MXRA7: variants seen among roughly 807,000 people sequenced by gnomAD.
MXRA7 encodes matrix-remodeling-associated protein 7.
A neutral mutation model predicts 17.4 loss-of-function variants in MXRA7; 18 were observed. The observed-to-expected ratio is 1.03, with a 90% CI of 0.71 to 1.53. The LOEUF is 1.53. Ranked by LOEUF, MXRA7 falls within the 40% of genes most tolerant of loss-of-function variation. The pLI, the probability that MXRA7 is intolerant of heterozygous loss-of-function variation, is 0.00. For missense variants in MXRA7, 141 were observed against 209.3 expected, an observed-to-expected ratio of 0.67 and a Z score of 2.01; for synonymous variants, 70 against 101.7, an observed-to-expected ratio of 0.69 and a Z score of 1.87.
At chr17:76,695,625 G>A (rs1179507302) in intron 1 of MXRA7, among the ~76,000 whole-genome samples, 2 of 152,160 alleles carry the variant, frequency 1.3e-5, no homozygotes, top group Admixed American at 1.3e-4. Context: ...GCCTCAGAGT[G>A]GATGAGAAAG....
At chr17:76,684,966 C>A in intron 3 of MXRA7, 106 bp downstream of exon 3, 2 of 906,352 alleles carry the variant, frequency 2.2e-6, no homozygotes, top group South Asian at 1.4e-5. Flanking sequence ...GGAGCCCCAC[C>A]TCCTTTCTGG....
chr17:76,697,758 C>T (rs1041748993), intron 1 of MXRA7, among the ~76,000 whole-genome samples: 1 of 152,196 alleles, frequency 6.6e-6, no homozygotes, highest in African/African-American at 2.4e-5. Context: ...AGCTGAGGGG[C>T]CCGGCCAGGC....
intron 1 of MXRA7, among the ~76,000 whole-genome samples, chr17:76,708,563 G>A (rs75369414): frequency 6.6e-6 from 1 of 152,200 alleles, no homozygotes; most frequent in Non-Finnish European, 1.5e-5. Flanking sequence ...TCTTGGAAAC[G>A]CTGGAGTCCA....
chr17:76,697,211 G>A (rs1043460977), intron 1 of MXRA7, among the ~76,000 whole-genome samples: 2 of 152,096 alleles, frequency 1.3e-5, no homozygotes, highest in East Asian at 1.9e-4. Flanking sequence ...GAGGAAACTC[G>A]GACACACACA....
Position 76,710,878 on chromosome 17 carries a change from G to A in MXRA7, c.69C>T (p.Ala23=), listed in dbSNP as rs2076714949. The A allele has an allele frequency of 3.0e-6, 3 of 994,044 alleles. No homozygotes were observed. Among genetic ancestry groups the A allele is most frequent in the Non-Finnish European group, 3.6e-6 (3 of 837,748 alleles). 61.6% of individuals were successfully genotyped at this position (994,044 alleles called of 1,614,324 possible). ...ALATALALLL[A]WLLVRRGAAA... The stretch of plus-strand genomic sequence containing the variant: ...CCGCCCCACGCCGCACCAGTAGCCA[G>A]GCGAGCAGAAGGGCCAGCGCGGTGG... The change falls in exon 1 of 4, where the codon GCC becomes GCT. Residue 23 remains alanine, a synonymous_variant. Coordinates refer to ENST00000449428, the MANE Select transcript of MXRA7 (RefSeq NM_198530.4).
At position 76,680,662 on chromosome 17, in the gene MXRA7, A is replaced by C; in HGVS notation, c.*205T>G. Reference sequence around the variant, plus strand: ...CACAGGAACAGACATGAACATCTCTACACAGGGCAGGGCCAAAGGTGTTCC... The same window carrying C: ...CACAGGAACAGACATGAACATCTCTCCACAGGGCAGGGCCAAAGGTGTTCC... On this transcript the variant is annotated 3_prime_UTR_variant, in exon 4 of 4. Transcript: ENST00000449428. 7.1e-7 allele frequency: 1 copy of C among 1,417,152 alleles called. No individual in the cohort carries two copies. The highest frequency in any genetic ancestry group is 9.2e-7 in the Non-Finnish European group (1 of 1,083,038). 87.8% of individuals were successfully genotyped at this position (1,417,152 alleles called of 1,614,324 possible). A position where few individuals can be genotyped will look rare whatever the true frequency, so the allele number is the denominator to read the frequency against.
chr17:76,702,475 C>A (rs1479627633), intron 1 of MXRA7, among the ~76,000 whole-genome samples: 2 of 151,802 alleles, frequency 1.3e-5, no homozygotes, highest in Non-Finnish European at 2.9e-5. Context: ...GCCAATGCAC[C>A]CCAGCCTGGT....
intron 1 of MXRA7, 143 bp downstream of exon 1, chr17:76,710,462 T>C: frequency 1.5e-6 from 1 of 658,936 alleles, no homozygotes; most frequent in Non-Finnish European, 2.1e-6. Context: ...GGGACCTGCA[T>C]TTCCTGCGGG....
chr17:76,672,950 G>C (rs570741056), exon 4 of MXRA7: 1 of 152,296 alleles, frequency 6.6e-6, no homozygotes, highest in South Asian at 2.1e-4. Flanking sequence ...TCCTGTTCTG[G>C]AACCCAGCAC....
At chr17:76,689,718 A>C (rs2076456531) in intron 1 of MXRA7, 1 of 152,112 alleles carries the variant, frequency 6.6e-6, no homozygotes, top group Admixed American at 6.6e-5. Context: ...GAAAAGACAG[A>C]ACTGGGGACC....
downstream of MXRA7, chr17:76,676,617 G>GGA (rs2076243199): frequency 6.6e-6 from 1 of 152,170 alleles, no homozygotes; most frequent in Non-Finnish European, 1.5e-5. Context: ...ACAGAAATTA[G>GGA]CTGGGTATGG....
At chr17:76,706,365 G>A (rs1230744424) in intron 1 of MXRA7, among the ~76,000 whole-genome samples, 58 of 94,996 alleles carry the variant, frequency 6.1e-4, no homozygotes, top group East Asian at 4.8e-3. Flanking sequence ...TGCCATCACA[G>A]AGGCCCACGC....
chr17:76,701,309 G>A lies in MXRA7; in HGVS notation c.342+9296C>T, dbSNP rs77487845. Among the ~76,000 whole-genome samples, 400 of 152,126 alleles carry A rather than the reference G, an allele frequency of 2.6e-3. 2 individuals are homozygous for A. Among genetic ancestry groups the A allele is most frequent in the African/African-American group, 9.3e-3 (384 of 41,482 alleles). On this transcript the variant is annotated intron_variant, in intron 1 of 3. Coordinates refer to ENST00000449428, the MANE Select transcript of MXRA7 (RefSeq NM_198530.4). ...CAGGTCTTCAGGGCGTGAGGGAGGC[G>A]GGGACAACAAGGACATGTCTGGGCT...
At chr17:76,677,694 T>A, downstream of MXRA7, 1 of 1,613,264 alleles carries the variant, frequency 6.2e-7, no homozygotes, top group South Asian at 1.1e-5. Flanking sequence ...CAGCTGTTCC[T>A]TCTGAACTCT....
At chr17:76,691,437 T>G (rs2076477447) in intron 1 of MXRA7, among the ~76,000 whole-genome samples, 1 of 152,072 alleles carries the variant, frequency 6.6e-6, no homozygotes, top group Non-Finnish European at 1.5e-5. Context: ...TGAGGAGGGG[T>G]TCATGGAACC....
At chr17:76,706,915 T>C (rs2076668224) in intron 1 of MXRA7, among the ~76,000 whole-genome samples, 1 of 152,180 alleles carries the variant, frequency 6.6e-6, no homozygotes, top group Admixed American at 6.5e-5. Context: ...CATCTTTGCA[T>C]TCTCTCTCTA....
chr17:76,688,085 C>A (rs750830879), intron 2 of MXRA7, 28 bp downstream of exon 2: 1 of 1,611,338 alleles, frequency 6.2e-7, no homozygotes, highest in Non-Finnish European at 8.5e-7. Context: ...CTGTCAGGCC[C>A]CCTCATGAGC....
At chr17:76,706,688 G>A (rs1183578947) in intron 1 of MXRA7, among the ~76,000 whole-genome samples, 1 of 75,020 alleles carries the variant, frequency 1.3e-5, no homozygotes, top group Non-Finnish European at 3.9e-5. Context: ...ACATGGTTAA[G>A]ACAGACAGAT....
chr17:76,693,334 G>A (rs897006559), intron 1 of MXRA7, among the ~76,000 whole-genome samples: 7 of 151,946 alleles, frequency 4.6e-5, no homozygotes, highest in South Asian at 2.1e-4. Context: ...TGGGTGTGGT[G>A]GTGCACGACT....
Sources: gnomAD v4.1 joint callset for allele counts (sites outside exome capture counted in the v4.1 genomes callset) on GRCh38, gnomAD v4.1.1 for gene constraint, MANE v1.5 for transcripts, NCBI Gene and HGNC (gene_info 2026-07-23, HGNC 2026-07-21) for gene names.